Variants in TRABD2A observed in about 807,000 individuals in gnomAD.
The protein encoded by TRABD2A is TraB domain containing 2A.
In TRABD2A, 43 loss-of-function variants were observed where a neutral mutation model predicts 45.6. The ratio of observed to expected loss-of-function variants is 0.94; its 90% confidence interval spans 0.74 to 1.22. The LOEUF is 1.22. Ranked by LOEUF, TRABD2A falls within the 50% of genes most tolerant of loss-of-function variation. The probability of loss-of-function intolerance (pLI) is 0.00; values close to 1 mark genes in which losing one functional copy is unlikely to be tolerated. For missense variants in TRABD2A, 642 were observed against 652.4 expected, an observed-to-expected ratio of 0.98 and a Z score of 0.17; for synonymous variants, 269 against 265.0, an observed-to-expected ratio of 1.02 and a Z score of -0.15.
intron 5 of TRABD2A, among the ~76,000 whole-genome samples, chr2:84,831,578 G>A (rs1681339767): frequency 6.6e-6 from 1 of 151,534 alleles, no homozygotes; most frequent in Non-Finnish European, 1.5e-5. Flanking sequence ...GGAGGAAACA[G>A]CTCAGAGAAA....
intron 2 of TRABD2A, among the ~76,000 whole-genome samples, chr2:84,868,709 C>T (rs1171646693): frequency 6.6e-6 from 1 of 152,136 alleles, no homozygotes; most frequent in Non-Finnish European, 1.5e-5. Context: ...GTGTTGCACA[C>T]CTTCCTTCAA....
At chr2:84,880,871 G>A (rs1683180465) in intron 1 of TRABD2A, 61 bp downstream of exon 1, 1 of 1,547,516 alleles carries the variant, frequency 6.5e-7, no homozygotes, top group Non-Finnish European at 8.7e-7. Flanking sequence ...GGGGTTCGGA[G>A]GGAAACCATC....
chr2:84,836,997 T>TG (rs1681537114), intron 4 of TRABD2A: 2 of 144,394 alleles, frequency 1.4e-5, no homozygotes, highest in African/African-American at 2.6e-5. Flanking sequence ...TTTTTTTTTT[T>TG]TTTTTTTTTT....
chr2:84,839,444 C>T, intron 3 of TRABD2A, 121 bp from the exon 4 acceptor site: 1 of 939,108 alleles, frequency 1.1e-6, no homozygotes, highest in South Asian at 1.8e-5. Flanking sequence ...AAGAGTGACA[C>T]CATTCTTGGA....
rs551313164 is a variant in TRABD2A, at chr2:84,880,736, G to A, written c.108+196C>T. Among the ~76,000 whole-genome samples, 116 of 152,356 alleles carry A rather than the reference G, an allele frequency of 7.6e-4. 2 individuals carry two copies. The highest frequency in any genetic ancestry group is 2.7e-3 in the African/African-American group (113 of 41,602). ...GGGCACTGAGTCGCTTGGAGCCTGC[G>A]GGCTGCGCCCCCGCGGGAAAGGGGA... On this transcript the variant is annotated intron_variant, in intron 1 of 6. Transcript: ENST00000409520.
Position 84,870,456 on chromosome 2 carries a change from C to G in TRABD2A, c.438G>C (p.Gly146=). ...LWMTPDQRGK[G]LYADYLFNAI... ...CATTGAAGAGGTAGTCTGCGTAGAG[C>G]CCCTTGCCGCGCTGGTCTGGGGTCA... Residue 146 remains glycine, a synonymous_variant, in exon 2 of 7, where the codon GGG becomes GGC. Transcript: ENST00000409520. 3 of 1,614,038 alleles carry G rather than the reference C, an allele frequency of 1.9e-6. No homozygotes were observed. The highest frequency in any genetic ancestry group is 2.5e-6 in the Non-Finnish European group (3 of 1,179,900).
Position 84,832,067 on chromosome 2 carries a change from C to T in TRABD2A, c.1070G>A (p.Arg357Gln), listed in dbSNP as rs777397968. 8.7e-6 allele frequency: 14 copies of T among 1,613,316 alleles called. No homozygotes were observed. The highest frequency in any genetic ancestry group is 2.3e-5 in the East Asian group (1 of 44,410). Residue 357 changes from arginine to glutamine, a missense_variant, in exon 5 of 7, where the codon CGA (arginine) becomes CAA (glutamine). Physicochemically the swap from Arg to Gln is conservative, Grantham distance 43. Transcript: ENST00000409520. Reference protein sequence around the residue: ...GYEVEHAPAGRPIHKGKSKKT... With the variant: ...GYEVEHAPAGQPIHKGKSKKT... The stretch of plus-strand genomic sequence containing the variant: ...ACAGGACGGTTACTTGTGGATGGGT[C>T]GTCCAGCAGGGGCGTGTTCTACCTC...
intron 6 of TRABD2A, among the ~76,000 whole-genome samples, chr2:84,822,722 G>A (rs545128311): frequency 2.9e-4 from 44 of 152,244 alleles, no homozygotes; most frequent in Admixed American, 1.4e-3. Flanking sequence ...AGTCACCCTG[G>A]GACATGAACA....
chr2:84,878,861 G>C (rs1353467472), intron 1 of TRABD2A, among the ~76,000 whole-genome samples: 1 of 152,188 alleles, frequency 6.6e-6, no homozygotes, highest in Non-Finnish European at 1.5e-5. Flanking sequence ...CATGTGTGCC[G>C]CTGATTGGCC....
chr2:84,879,707 A>C lies in TRABD2A; in HGVS notation c.108+1225T>G, dbSNP rs111310427. Reference sequence around the variant, plus strand: ...AAGCATGAAGCGGCCACACCGCAACAGAGTTTGAAACCATGCCTGGTGCAG... The same window carrying C: ...AAGCATGAAGCGGCCACACCGCAACCGAGTTTGAAACCATGCCTGGTGCAG... On this transcript the variant is annotated intron_variant, in intron 1 of 6. Coordinates refer to ENST00000409520, the MANE Select transcript of TRABD2A (RefSeq NM_001277053.2). 7 of 646,800 alleles carry C rather than the reference A, an allele frequency of 1.1e-5. No individual in the cohort carries two copies. The African/African-American group carries it at 1.2e-4, about 11-fold the overall frequency. The allele number at this position is 646,800 out of a possible 1,614,324, so 40.1% of individuals were successfully genotyped here.
chr2:84,850,908 A>C (rs1682064909), intron 2 of TRABD2A: 1 of 152,266 alleles, frequency 6.6e-6, no homozygotes, highest in Admixed American at 6.5e-5. Context: ...GGCTGTGAAA[A>C]GCCTGCTGGA....
intron 6 of TRABD2A, among the ~76,000 whole-genome samples, chr2:84,822,582 C>T (rs1681030093): frequency 6.6e-6 from 1 of 152,120 alleles, no homozygotes; most frequent in Admixed American, 6.5e-5. Flanking sequence ...GGGCCCATGA[C>T]CTCAGGCTTA....
At chr2:84,860,821 T>C (rs1462239575) in intron 2 of TRABD2A, among the ~76,000 whole-genome samples, 1 of 152,012 alleles carries the variant, frequency 6.6e-6, no homozygotes, top group Non-Finnish European at 1.5e-5. Context: ...AGAGTCAGGG[T>C]TGGGGGTTGT....
intron 6 of TRABD2A, among the ~76,000 whole-genome samples, chr2:84,823,232 A>G (rs2105368326): frequency 6.6e-6 from 1 of 152,230 alleles, no homozygotes; most frequent in South Asian, 2.1e-4. Context: ...TGCATGCACC[A>G]CAAACACACA....
At position 84,832,040 on chromosome 2, in the gene TRABD2A, G is replaced by A; in HGVS notation, c.1082+15C>T. The A allele has an allele frequency of 6.2e-7, 1 of 1,613,882 alleles. No individual in the cohort carries two copies. Among genetic ancestry groups the A allele is most frequent in the Non-Finnish European group, 8.5e-7 (1 of 1,179,802 alleles). On this transcript the variant is annotated intron_variant, in intron 5 of 6. Transcript: ENST00000409520. ...TCTCAGCTCCCCAGCCAAGATAGAA[G>A]CACAGGACGGTTACTTGTGGATGGG...
At chr2:84,838,971 C>G in intron 4 of TRABD2A, 178 bp downstream of exon 4, 1 of 641,380 alleles carries the variant, frequency 1.6e-6, no homozygotes, top group South Asian at 2.3e-5. Context: ...TTCAACCATG[C>G]TGGATGCTCC....
chr2:84,837,436 T>G (rs1681554251), intron 4 of TRABD2A: 3 of 152,258 alleles, frequency 2.0e-5, no homozygotes. Flanking sequence ...AGTTTTGCTC[T>G]GTGTCTTATA....
intron 1 of TRABD2A, among the ~76,000 whole-genome samples, chr2:84,877,339 T>C (rs966718290): frequency 1.3e-5 from 2 of 151,928 alleles, no homozygotes; most frequent in African/African-American, 2.4e-5. Flanking sequence ...TGTTAAAATA[T>C]ATGGCAATTA....
At chr2:84,844,399 C>T (rs377031164) in intron 2 of TRABD2A, among the ~76,000 whole-genome samples, 194 of 152,294 alleles carry the variant, frequency 1.3e-3, no homozygotes, top group African/African-American at 4.2e-3. Flanking sequence ...CTTCACCTTC[C>T]GCCATGATTG....
Sources: allele counts gnomAD v4.1 joint callset (sites outside exome capture counted in the v4.1 genomes callset), GRCh38; gene constraint gnomAD v4.1.1; transcripts MANE v1.5; gene names NCBI Gene and HGNC (gene_info 2026-07-23, HGNC 2026-07-21).